GSE1: variants seen among roughly 807,000 people sequenced by gnomAD.
The protein encoded by GSE1 is genetic suppressor element 1.
Under a neutral mutation model 112.6 loss-of-function variants are expected in GSE1, and 32 were observed. The ratio of observed to expected loss-of-function variants is 0.28; its 90% CI spans 0.21 to 0.38. The LOEUF (loss-of-function observed/expected upper bound fraction) is 0.38. GSE1 is among the 10% of genes least tolerant of loss of function. The pLI, the probability that GSE1 is intolerant of heterozygous loss-of-function variation, is 1.00. For missense variants in GSE1, 2,348 were observed against 1,699.2 expected, an observed-to-expected ratio of 1.38 and a Z score of -6.71; for synonymous variants, 1,115 against 735.6, an observed-to-expected ratio of 1.52 and a Z score of -8.35.
chr16:85,246,266 CACACACACCCCACACGCTGTCT>C (rs796464726), intron 1 of GSE1, among the ~76,000 whole-genome samples: 1 of 146,506 alleles, frequency 6.8e-6, no homozygotes, highest in Non-Finnish European at 1.5e-5. Context: ...TACACACACA[CACACACACCCCACACGCTGTCT>C]ACACACACCC....
intron 1 of GSE1, among the ~76,000 whole-genome samples, chr16:85,189,750 A>C (rs1567599634): frequency 6.6e-6 from 1 of 152,118 alleles, no homozygotes; most frequent in Non-Finnish European, 1.5e-5. Flanking sequence ...TTGGTGATTT[A>C]TTGTTTTCAA....
rs537371776 is a variant in GSE1, at chr16:85,542,680, C to T, written c.2465-91234C>T. Among the ~76,000 whole-genome samples, 4 of 152,354 alleles carry T rather than the reference C, an allele frequency of 2.6e-5. No homozygotes were observed. The South Asian group carries it at 8.3e-4, about 32-fold the overall frequency. On this transcript the variant is annotated intron_variant, in intron 2 of 2. Transcript: ENST00000637419. ...CTGTGTTCAGCTCAGCACAAGCTAG[C>T]GTTTGCTGTATGAGACTGATGGTCG...
chr16:85,352,162 A>G (rs1341798672), intron 1 of GSE1, among the ~76,000 whole-genome samples: 1 of 151,644 alleles, frequency 6.6e-6, no homozygotes, highest in East Asian at 1.9e-4. Context: ...CTTCCCCCAC[A>G]CCCTCCTCCC....
chr16:85,482,448 C>T (rs35953702), intron 2 of GSE1, among the ~76,000 whole-genome samples: 1 of 152,196 alleles, frequency 6.6e-6, no homozygotes, highest in Non-Finnish European at 1.5e-5. Flanking sequence ...TCTCTGACAA[C>T]TCGAGCGACC....
chr16:85,651,486 G>A (rs767121606), intron 3 of GSE1, among the ~76,000 whole-genome samples: 5 of 152,190 alleles, frequency 3.3e-5, no homozygotes, highest in East Asian at 1.9e-4. Flanking sequence ...CTTTGTCCTC[G>A]GCTGAGGGGA....
intron 11 of GSE1, among the ~76,000 whole-genome samples, chr16:85,663,907 G>A (rs2151972683): frequency 6.6e-6 from 1 of 152,402 alleles, no homozygotes; most frequent in East Asian, 1.9e-4. Context: ...GAGTGCTCCA[G>A]TGACCACCAG....
At chr16:85,547,155 C>T (rs943072487) in intron 2 of GSE1, among the ~76,000 whole-genome samples, 1 of 152,214 alleles carries the variant, frequency 6.6e-6, no homozygotes. Context: ...CCAAGGCATG[C>T]GGCTTCCAGA....
intron 2 of GSE1, among the ~76,000 whole-genome samples, chr16:85,505,442 G>A (rs1036138872): frequency 5.9e-5 from 9 of 152,172 alleles, no homozygotes; most frequent in African/African-American, 2.2e-4. Context: ...GAGGGTCACA[G>A]AAGATGGTCC....
chr16:85,544,831 G>A (rs1008502551), intron 2 of GSE1, among the ~76,000 whole-genome samples: 4 of 152,252 alleles, frequency 2.6e-5, no homozygotes, highest in African/African-American at 4.8e-5. Flanking sequence ...TGGAGTGCCT[G>A]GGGAGAAGAA....
In GSE1 at chr16:85,639,619, C is replaced by T. The variant is rs114362771; in HGVS notation, c.226+5487C>T. Reference sequence around the variant, plus strand: ...CGAGGGTGCCCCGGGAACGCCTGTGCGTGGAGCCAGGCCCTGTGCTTCCAG... The same window carrying T: ...CGAGGGTGCCCCGGGAACGCCTGTGTGTGGAGCCAGGCCCTGTGCTTCCAG... On this transcript the variant is annotated intron_variant, in intron 2 of 15. Coordinates refer to ENST00000253458, the MANE Select transcript of GSE1 (RefSeq NM_014615.5). 4.2e-3 allele frequency among the ~76,000 whole-genome samples: 639 copies of T among 152,372 alleles called. 5 individuals are homozygous for T. Among genetic ancestry groups the T allele is most frequent in the African/African-American group, 0.014 (575 of 41,596 alleles).
intron 2 of GSE1, among the ~76,000 whole-genome samples, chr16:85,520,146 A>G (rs2052131596): frequency 6.6e-6 from 1 of 152,138 alleles, no homozygotes; most frequent in Non-Finnish European, 1.5e-5. Context: ...CTGGCAGATG[A>G]GGTGTTTGGT....
intron 1 of GSE1, among the ~76,000 whole-genome samples, chr16:85,628,816 C>T (rs2049291352): frequency 1.3e-5 from 2 of 152,214 alleles, no homozygotes; most frequent in South Asian, 4.1e-4. Flanking sequence ...CCAGTAGCCT[C>T]AAGGTGTGTG....
At chr16:85,196,890 C>G (rs1195313924) in intron 1 of GSE1, among the ~76,000 whole-genome samples, 1 of 151,968 alleles carries the variant, frequency 6.6e-6, no homozygotes, top group Non-Finnish European at 1.5e-5. Context: ...TCACCCTGGG[C>G]TTGGGTTTCT....
At chr16:85,348,041 T>C (rs571468877) in intron 1 of GSE1, among the ~76,000 whole-genome samples, 2 of 152,280 alleles carry the variant, frequency 1.3e-5, no homozygotes, top group East Asian at 1.9e-4. Flanking sequence ...TTGCGCTAAG[T>C]TGGAGTGCAC....
intron 1 of GSE1, among the ~76,000 whole-genome samples, chr16:85,286,184 C>T (rs991722055): frequency 2.6e-5 from 4 of 152,232 alleles, no homozygotes; most frequent in Non-Finnish European, 5.9e-5. Context: ...CAAAGGGCCC[C>T]GTGCTCCGAG....
chr16:85,376,926 C>T (rs1360259804), intron 2 of GSE1, among the ~76,000 whole-genome samples: 3 of 152,246 alleles, frequency 2.0e-5, no homozygotes, highest in Admixed American at 1.3e-4. Context: ...CCGCGTTACC[C>T]GACGGCCCCT....
chr16:85,256,537 T>C (rs1907100493), intron 1 of GSE1, among the ~76,000 whole-genome samples: 1 of 152,240 alleles, frequency 6.6e-6, no homozygotes, highest in African/African-American at 2.4e-5. Flanking sequence ...GGCACGTTCC[T>C]TGGCGAAGCT....
intron 2 of GSE1, among the ~76,000 whole-genome samples, chr16:85,484,732 G>A (rs1567526593): frequency 6.6e-6 from 1 of 152,222 alleles, no homozygotes; most frequent in African/African-American, 2.4e-5. Flanking sequence ...CAAAACCAGG[G>A]CCCTGGCACA....
chr16:85,435,364 C>T (rs1360633388), intron 2 of GSE1, among the ~76,000 whole-genome samples: 1 of 151,904 alleles, frequency 6.6e-6, no homozygotes, highest in African/African-American at 2.4e-5. Flanking sequence ...CATGGAGGAG[C>T]AGCCTTCCAG....
Sources: gnomAD v4.1 joint callset for allele counts (sites outside exome capture counted in the v4.1 genomes callset) on GRCh38, gnomAD v4.1.1 for gene constraint, MANE v1.5 for transcripts, NCBI Gene and HGNC (gene_info 2026-07-23, HGNC 2026-07-21) for gene names.